Variants in MKNK1 observed in about 807,000 individuals in gnomAD.
MKNK1 encodes the protein MAPK interacting serine/threonine kinase 1, also known as MAP kinase-interacting serine/threonine-protein kinase 1.
MKNK1 carries 30 observed loss-of-function variants against 49.3 expected under a neutral mutation model. The observed-to-expected ratio is 0.61, with a 90% CI of 0.46 to 0.83. The LOEUF (loss-of-function observed/expected upper bound fraction) is 0.83, where lower values mean the gene tolerates loss of function less well. Ranked by LOEUF, MKNK1 falls within the 40% of genes least tolerant of loss-of-function variation. The pLI, the probability that MKNK1 is intolerant of heterozygous loss-of-function variation, is 0.00. For missense variants in MKNK1, 423 were observed against 524.7 expected, an observed-to-expected ratio of 0.81 and a Z score of 1.89; for synonymous variants, 176 against 201.7, an observed-to-expected ratio of 0.87 and a Z score of 1.08.
In MKNK1 at chr1:46,583,265, C is replaced by T. The variant is rs376475181; in HGVS notation, c.63G>A (p.Arg21=). 90 of 1,613,962 alleles carry T rather than the reference C, an allele frequency of 5.6e-5. No individual in the cohort carries two copies. The highest frequency in any genetic ancestry group is 6.5e-5 in the Non-Finnish European group (77 of 1,180,018). ...CTGGCAAGGAGTCAGTGGCCCGGCC[C>T]CTCCGCTTCTTCTTCCTCCTCCTGT... The part of the protein sequence containing the change: ...DGDRRRKKKR[R]GRATDSLPGK... The change falls in exon 3 of 13, where the codon AGG becomes AGA. Residue 21 remains arginine (R), a synonymous_variant. Coordinates refer to ENST00000371945, the MANE Select transcript of MKNK1 (RefSeq NM_001135553.4).
chr1:46,598,475 C>T lies in MKNK1; in HGVS notation c.-170-4195G>A, dbSNP rs541275538. Among the ~76,000 whole-genome samples, 8 of 152,100 alleles carry T rather than the reference C, an allele frequency of 5.3e-5. No homozygotes were observed. The South Asian group carries it at 1.2e-3, about 24-fold the overall frequency. On this transcript the variant is annotated intron_variant, in intron 1 of 12. Coordinates refer to ENST00000371945, the MANE Select transcript of MKNK1 (RefSeq NM_001135553.4). Reference sequence around the variant, plus strand: ...TGGAAAGAAAGAGAAGGTAACAATGCGGGGGAAGGGAAAATGGCCCTAATA... The same window carrying T: ...TGGAAAGAAAGAGAAGGTAACAATGTGGGGGAAGGGAAAATGGCCCTAATA...
chr1:46,573,833 A>C (rs898854962), intron 6 of MKNK1: 1 of 151,476 alleles, frequency 6.6e-6, no homozygotes, highest in Admixed American at 6.6e-5. Flanking sequence ...TCCCAGGTTC[A>C]AGCGATTCTT....
intron 2 of MKNK1, among the ~76,000 whole-genome samples, chr1:46,587,281 G>A (rs775146691): frequency 9.2e-5 from 14 of 152,198 alleles, no homozygotes; most frequent in East Asian, 1.9e-4. Flanking sequence ...TCTTGGGAAC[G>A]GCTCGGCGGT....
At chr1:46,566,419 GTC>G (rs1669076986) in intron 8 of MKNK1, among the ~76,000 whole-genome samples, 2 of 152,188 alleles carry the variant, frequency 1.3e-5, no homozygotes, top group African/African-American at 4.8e-5. Flanking sequence ...CACTTGAGTT[GTC>G]TCTACCTTTT....
At chr1:46,585,541 A>G (rs1372759255) in intron 2 of MKNK1, 1 of 277,080 alleles carries the variant, frequency 3.6e-6, no homozygotes, top group South Asian at 3.7e-5. Context: ...CTATTTTCTC[A>G]TCGGCACCGC....
rs1384824269 is a variant in MKNK1 at position 46,583,166 on chromosome 1, G to A, written c.100+62C>T. ...TTCTGTGATCGGACCTGTGGCTCCC[G>A]GGATGCTCCTCCCATGCTTGGGAAG... On this transcript the variant is annotated intron_variant, in intron 3 of 12. Transcript: ENST00000371945. 2.3e-5 allele frequency: 31 copies of A among 1,329,206 alleles called. 1 individual carries two copies. The highest frequency in any genetic ancestry group is 8.6e-5 in the Admixed American group (5 of 58,366). The allele number at this position is 1,329,206 out of a possible 1,614,324, so 82.3% of individuals were successfully genotyped here.
intron 2 of MKNK1, among the ~76,000 whole-genome samples, chr1:46,590,562 G>A (rs1673185984): frequency 1.3e-5 from 2 of 152,222 alleles, no homozygotes; most frequent in African/African-American, 4.8e-5. Context: ...GCTTGTAAGT[G>A]GCAGAGCTGA....
intron 3 of MKNK1, among the ~76,000 whole-genome samples, chr1:46,582,600 C>T (rs1671909026): frequency 6.6e-6 from 1 of 152,168 alleles, no homozygotes. Flanking sequence ...AGCTACTGAT[C>T]CTCTTGGTGC....
At chr1:46,560,164 C>T in intron 12 of MKNK1, 70 bp downstream of exon 12, 1 of 1,568,092 alleles carries the variant, frequency 6.4e-7, no homozygotes, top group Non-Finnish European at 8.8e-7. Context: ...ATGGGCTCCC[C>T]CGGCCCCCAC....
At chr1:46,586,573 T>A (rs1672603864) in intron 2 of MKNK1, among the ~76,000 whole-genome samples, 1 of 152,114 alleles carries the variant, frequency 6.6e-6, no homozygotes, top group Non-Finnish European at 1.5e-5. Flanking sequence ...CCATCAGAAA[T>A]TGCACTGAAA....
chr1:46,565,242 G>T, intron 8 of MKNK1, 106 bp from the exon 9 acceptor site: 2 of 1,021,112 alleles, frequency 2.0e-6, no homozygotes, highest in Non-Finnish European at 3.1e-6. Flanking sequence ...TCACACCGCA[G>T]CTGGTTTTGT....
At chr1:46,571,324 G>A (rs573905016) in intron 7 of MKNK1, 44 of 225,980 alleles carry the variant, frequency 1.9e-4, no homozygotes, top group African/African-American at 1.0e-3. Flanking sequence ...CAGGAGGATC[G>A]CTTGAGCCCA....
intron 2 of MKNK1, among the ~76,000 whole-genome samples, chr1:46,583,575 G>A (rs1473955086): frequency 6.6e-6 from 1 of 152,126 alleles, no homozygotes; most frequent in African/African-American, 2.4e-5. Context: ...AGAGGCCAGC[G>A]GAAGCCTGCT....
chr1:46,572,086 G>A lies in MKNK1; in HGVS notation c.434C>T (p.Ala145Val). Reference sequence around the variant, plus strand: ...ACCTTTGGTATGCAGGAAGTCAAGGGCAGCAGCAACGTCCCGCACCACTCG... The same window carrying A: ...ACCTTTGGTATGCAGGAAGTCAAGGACAGCAGCAACGTCCCGCACCACTCG... ...ASRVVRDVAA[A>V]LDFLHTKGIA... Residue 145 changes from alanine (A) to valine (V), a missense_variant, in exon 7 of 13, where the codon GCC (alanine) becomes GTC (valine). Ala to Val is a moderately conservative substitution (Grantham distance 64). Coordinates refer to ENST00000371945, the MANE Select transcript of MKNK1 (RefSeq NM_001135553.4). The A allele has an allele frequency of 1.2e-6, 2 of 1,614,126 alleles. No individual in the cohort carries two copies. The highest frequency in any genetic ancestry group is 1.7e-6 in the Non-Finnish European group (2 of 1,179,982).
chr1:46,600,264 A>C (rs1570349445), intron 1 of MKNK1, among the ~76,000 whole-genome samples: 1 of 152,228 alleles, frequency 6.6e-6, no homozygotes, highest in Non-Finnish European at 1.5e-5. Context: ...GGTTCTGAGA[A>C]GACAATTATT....
At chr1:46,576,001 G>T (rs529574878) in intron 5 of MKNK1, 1 of 152,706 alleles carries the variant, frequency 6.5e-6, no homozygotes, top group Non-Finnish European at 1.5e-5. Flanking sequence ...TGGAGGGAGA[G>T]AGGGGGAAGT....
chr1:46,599,429 T>C (rs1294813576), intron 1 of MKNK1, among the ~76,000 whole-genome samples: 1 of 152,138 alleles, frequency 6.6e-6, no homozygotes, highest in African/African-American at 2.4e-5. Flanking sequence ...TGTAAACTGG[T>C]TCTAAGATTC....
chr1:46,588,623 C>T (rs1251071835), intron 2 of MKNK1, among the ~76,000 whole-genome samples: 3 of 151,974 alleles, frequency 2.0e-5, no homozygotes, highest in Non-Finnish European at 2.9e-5. Flanking sequence ...TTGGCTAACA[C>T]GGTGAAACCC....
At chr1:46,575,070 T>G in intron 5 of MKNK1, 50 bp from the exon 6 acceptor site, 2 of 1,201,454 alleles carry the variant, frequency 1.7e-6, no homozygotes, top group Non-Finnish European at 2.4e-6. Flanking sequence ...AATGGTATTA[T>G]ATATTAAAGT....
Sources: gnomAD v4.1 joint callset for allele counts (sites outside exome capture counted in the v4.1 genomes callset) on GRCh38, gnomAD v4.1.1 for gene constraint, MANE v1.5 for transcripts, NCBI Gene and HGNC (gene_info 2026-07-23, HGNC 2026-07-21) for gene names.